UQCRC2: variants seen among roughly 807,000 people sequenced by gnomAD.
The protein encoded by UQCRC2 is ubiquinol-cytochrome c reductase core protein 2.
UQCRC2 carries 49 observed loss-of-function variants against 55.6 expected under a neutral mutation model. The ratio of observed to expected loss-of-function variants is 0.88; its 90% CI spans 0.70 to 1.12. The LOEUF is 1.12. Among genes scored for constraint, UQCRC2 ranks in the 50% most tolerant of loss-of-function variants. The pLI, the probability that UQCRC2 is intolerant of heterozygous loss-of-function variation, is 0.00. For missense variants in UQCRC2, 506 were observed against 547.8 expected (o/e 0.92, Z 0.76); for synonymous variants, 193 against 192.0 (o/e 1.01, Z -0.04).
rs1316231625 is a variant in UQCRC2, at chr16:21,980,691, T to C, written c.1269T>C (p.Asp423=). Reference sequence around the variant, plus strand: ...AGATTGATTCAGTGGCTAATGCTGATATCATAAATGTAAGTAAATGAAAAC... The same window carrying C: ...AGATTGATTCAGTGGCTAATGCTGACATCATAAATGTAAGTAAATGAAAAC... ...LQQIDSVANA[D]IINAAKKFVS... is the part of the protein sequence containing the mutation. Residue 423 remains aspartate, a synonymous_variant, in exon 13 of 14, where the codon GAT becomes GAC. Transcript: ENST00000268379. The C allele has an allele frequency of 1.9e-6, 3 of 1,613,136 alleles. No homozygotes were observed. Among genetic ancestry groups the C allele is most frequent in the Non-Finnish European group, 2.5e-6 (3 of 1,179,778 alleles).
At chr16:21,976,091 C>T in intron 11 of UQCRC2, 76 bp from the exon 12 acceptor site, 2 of 977,254 alleles carry the variant, frequency 2.0e-6, no homozygotes, top group South Asian at 1.4e-5. Flanking sequence ...GTTTTTGCCT[C>T]AGTAAAGAAG....
Position 21,980,576 on chromosome 16 carries a change from C to T in UQCRC2, c.1154C>T (p.Ser385Leu). 6.2e-7 allele frequency: 1 copy of T among 1,614,156 alleles called. No individual in the cohort carries two copies. Among genetic ancestry groups the T allele is most frequent in the Non-Finnish European group, 8.5e-7 (1 of 1,180,034 alleles). ...KNKLKAGYLMSVESSECFLEE... is the reference protein window; with the variant it reads ...KNKLKAGYLMLVESSECFLEE... ...AAGCTGAAAGCTGGATACCTAATGT[C>T]AGTGGAGTCTTCTGAGTGTTTCCTG... Residue 385 changes from serine (S) to leucine (L), a missense_variant, in exon 13 of 14, where the codon TCA becomes TTA. By Grantham distance (145) the Ser-to-Leu change is moderately radical (BLOSUM62 -2). Coordinates refer to ENST00000268379, the MANE Select transcript of UQCRC2 (RefSeq NM_003366.4).
chr16:21,967,769 A>G (rs537366735), intron 7 of UQCRC2, among the ~76,000 whole-genome samples: 9 of 152,174 alleles, frequency 5.9e-5, no homozygotes, highest in Non-Finnish European at 1.2e-4. Context: ...ACCCTGGTAT[A>G]GACAATGACT....
intron 4 of UQCRC2, 138 bp from the exon 5 acceptor site, chr16:21,962,321 TG>T (rs1302245870): frequency 2.1e-6 from 2 of 970,246 alleles, no homozygotes; most frequent in Non-Finnish European, 3.0e-6. Flanking sequence ...GGTTAATATG[TG>T]GAGTTTTGTT....
At chr16:21,966,664 T>A (rs1349560614) in intron 7 of UQCRC2, among the ~76,000 whole-genome samples, 1 of 152,234 alleles carries the variant, frequency 6.6e-6, no homozygotes, top group Non-Finnish European at 1.5e-5. Context: ...GGCACTTTTA[T>A]TTAGAAATTT....
chr16:21,968,227 C>T (rs1391967849), intron 7 of UQCRC2, among the ~76,000 whole-genome samples: 5 of 152,102 alleles, frequency 3.3e-5, no homozygotes, highest in Non-Finnish European at 5.9e-5. Flanking sequence ...GTCTCAAACT[C>T]GTGGCCTCAA....
rs1218008078 is a variant in UQCRC2 at position 21,957,551 on chromosome 16, T to C, written c.252T>C (p.Arg84=). 2.1e-5 allele frequency: 34 copies of C among 1,614,076 alleles called. No individual in the cohort carries two copies. Among genetic ancestry groups the C allele is most frequent in the Non-Finnish European group, 2.9e-5 (34 of 1,180,034 alleles). The change falls in exon 3 of 14, where the codon CGT becomes CGC. Residue 84 remains arginine (R), a synonymous_variant. Transcript: ENST00000268379. The part of the protein sequence containing the change: ...FSNLGTTHLL[R]LTSSLTTKGA... Reference sequence around the variant, plus strand: ...ATTTAGGAACCACCCATTTGCTGCGTCTTACATCCAGTCTGGTGAGTATCT... The same window carrying C: ...ATTTAGGAACCACCCATTTGCTGCGCCTTACATCCAGTCTGGTGAGTATCT...
Position 21,983,181 on chromosome 16 carries a change from A to C in UQCRC2, c.*10A>C, listed in dbSNP as rs1898777919. 1 of 1,612,092 alleles carries C rather than the reference A, an allele frequency of 6.2e-7. No individual in the cohort carries two copies. Among genetic ancestry groups the C allele is most frequent in the African/African-American group, 1.3e-5 (1 of 74,848 alleles). Reference sequence around the variant, plus strand: ...TGTTGATGAGTTGTAATACTGATGCACACATTACAGGAGAGAGCTGAACGT... The same window carrying C: ...TGTTGATGAGTTGTAATACTGATGCCCACATTACAGGAGAGAGCTGAACGT... On this transcript the variant is annotated 3_prime_UTR_variant, in exon 14 of 14. Coordinates refer to ENST00000268379, the MANE Select transcript of UQCRC2 (RefSeq NM_003366.4).
chr16:21,957,059 A>G (rs1597949211), intron 1 of UQCRC2, among the ~76,000 whole-genome samples, 176 bp from the exon 2 acceptor site: 2 of 144,798 alleles, frequency 1.4e-5, no homozygotes, highest in South Asian at 2.2e-4. Flanking sequence ...ACAGAGAGAC[A>G]CTCTGTCTCA....
chr16:21,967,437 G>GTT (rs141508381), intron 7 of UQCRC2, among the ~76,000 whole-genome samples: 1 of 146,874 alleles, frequency 6.8e-6, no homozygotes, highest in Admixed American at 6.8e-5. Flanking sequence ...GAAGTCGTAA[G>GTT]TTTTTTTTTT....
intron 11 of UQCRC2, among the ~76,000 whole-genome samples, chr16:21,975,498 C>T (rs534596226): frequency 2.0e-5 from 3 of 152,160 alleles, no homozygotes; most frequent in East Asian, 1.9e-4. Flanking sequence ...AAGTAGCAGA[C>T]CCAGCCAGCA....
chr16:21,962,031 A>G (rs1374348715), intron 4 of UQCRC2, among the ~76,000 whole-genome samples: 5 of 152,164 alleles, frequency 3.3e-5, no homozygotes, highest in African/African-American at 7.2e-5. Flanking sequence ...GAACTTTTCT[A>G]TCTTCTCCCA....
Position 21,983,300 on chromosome 16 carries a change from A to T in UQCRC2, c.*129A>T. The T allele has an allele frequency of 1.3e-6, 1 of 744,038 alleles. No individual in the cohort carries two copies. The allele number at this position is 744,038 out of a possible 1,614,324, so 46.1% of individuals were successfully genotyped here. The stretch of plus-strand genomic sequence containing the variant: ...GTGAGGTAAAATAAGGCATAAATGC[A>T]GGTAATTATTCCCAGCTGACCTAAA... On this transcript the variant is annotated 3_prime_UTR_variant, in exon 14 of 14. Transcript: ENST00000268379.
chr16:21,963,154 A>G (rs1478083241), intron 6 of UQCRC2: 2 of 230,860 alleles, frequency 8.7e-6, no homozygotes, highest in African/African-American at 2.3e-5. Flanking sequence ...ACACCTGGCT[A>G]ATTTTTTGTA....
intron 1 of UQCRC2, 128 bp from the exon 2 acceptor site, chr16:21,957,107 A>G (rs1898097991): frequency 2.7e-6 from 2 of 737,148 alleles, no homozygotes; most frequent in East Asian, 2.7e-5. Flanking sequence ...AAATCCTCCC[A>G]TGGAGGTGGT....
rs1247737450 is a variant in UQCRC2, at chr16:21,979,376, A to C, written c.1125-1171A>C. Among the ~76,000 whole-genome samples the C allele has an allele frequency of 2.0e-5, 3 of 152,214 alleles. No homozygotes were observed. In the East Asian group the frequency reaches 5.8e-4, roughly 29 times the overall value. Reference sequence around the variant, plus strand: ...ATGGGTCACATAACGATGGGGATACATTCTGAGAAATGTGGTGTTAGGTGG... The same window carrying C: ...ATGGGTCACATAACGATGGGGATACCTTCTGAGAAATGTGGTGTTAGGTGG... On this transcript the variant is annotated intron_variant, in intron 12 of 13. Transcript: ENST00000268379.
In UQCRC2 at chr16:21,980,540, TG is replaced by T; in HGVS notation, c.1125-5del. On this transcript the variant is annotated splice_region_variant and splice_polypyrimidine_tract_variant and intron_variant, in intron 12 of 13. Coordinates refer to ENST00000268379, the MANE Select transcript of UQCRC2 (RefSeq NM_003366.4). ...TCTAAAACTGACTTCTGCCTTTTAT[TG>T]GACAGGAACAAGCTGAAAGCTGGAT... is the stretch of plus-strand genomic sequence containing the variant. 6.2e-7 allele frequency: 1 copy of T among 1,609,200 alleles called. No homozygotes were observed.
chr16:21,968,668 T>C lies in UQCRC2; in HGVS notation c.653T>C (p.Met218Thr), dbSNP rs1345613287. 3.1e-6 allele frequency: 5 copies of C among 1,609,752 alleles called. No individual in the cohort carries two copies. The South Asian group carries it at 3.3e-5, about 11-fold the overall frequency. The change falls in exon 8 of 14, where the codon ATG becomes ACG. Residue 218 changes from methionine (M) to threonine (T), a missense_variant. Transcript: ENST00000268379. ...CAGAACCATTTCACAAGTGCAAGAA[T>C]GGCTTTGATTGGACTTGGTAAGTTT... is the stretch of plus-strand genomic sequence containing the variant. ...FVQNHFTSAR[M>T]ALIGLGVSHP...
chr16:21,959,424 T>C, intron 4 of UQCRC2: 1 of 207,134 alleles, frequency 4.8e-6, no homozygotes, highest in Non-Finnish European at 1.0e-5. Flanking sequence ...TCCTCATCTG[T>C]TCAAGCTTTA....
Sources: allele counts gnomAD v4.1 joint callset (sites outside exome capture counted in the v4.1 genomes callset), GRCh38; gene constraint gnomAD v4.1.1; transcripts MANE v1.5; gene names NCBI Gene and HGNC (gene_info 2026-07-23, HGNC 2026-07-21).